Variants in SAMD12 observed in about 807,000 individuals in gnomAD.
SAMD12 encodes sterile alpha motif domain containing 12, also known as sterile alpha motif domain-containing protein 12.
SAMD12 carries 9 observed loss-of-function variants against 15.0 expected under a neutral mutation model. The observed-to-expected ratio is 0.60, with a 90% CI of 0.36 to 1.05. The LOEUF (loss-of-function observed/expected upper bound fraction) is 1.05, where lower values mean the gene tolerates loss of function less well. Among genes scored for constraint, SAMD12 ranks in the 50% least tolerant of loss-of-function variants. The pLI is 0.01. For missense variants in SAMD12, 230 were observed against 234.2 expected (o/e 0.98, Z 0.12); for synonymous variants, 86 against 90.1 (o/e 0.96, Z 0.25).
intron 4 of SAMD12, among the ~76,000 whole-genome samples, chr8:118,227,790 T>A (rs1420752372): frequency 2.6e-5 from 4 of 152,148 alleles, no homozygotes; most frequent in Non-Finnish European, 5.9e-5. Flanking sequence ...GAAAGCGAAG[T>A]GACCCATGAC....
At chr8:118,220,703 G>A (rs907312002) in intron 4 of SAMD12, among the ~76,000 whole-genome samples, 10 of 152,170 alleles carry the variant, frequency 6.6e-5, no homozygotes. Context: ...GGCCAAGCTT[G>A]GAACAGCAAC....
downstream of SAMD12, among the ~76,000 whole-genome samples, chr8:118,374,360 A>G (rs76709869): frequency 8.5e-3 from 1,288 of 152,192 alleles, 40 homozygotes; most frequent in East Asian, 0.05. Context: ...TATATATACC[A>G]TGTTTTCTTT....
intron 3 of SAMD12, among the ~76,000 whole-genome samples, chr8:118,396,632 G>A (rs114774481): frequency 6.6e-6 from 1 of 152,212 alleles, no homozygotes; most frequent in Non-Finnish European, 1.5e-5. Flanking sequence ...AAAGTGAAGA[G>A]ATTTGTCCAA....
chr8:118,567,627 T>C (rs1022145292), intron 2 of SAMD12, among the ~76,000 whole-genome samples: 1 of 152,206 alleles, frequency 6.6e-6, no homozygotes, highest in Admixed American at 6.5e-5. Context: ...AAATCTGCTA[T>C]TGGGATTTGG....
At chr8:118,214,787 G>A (rs1241032572) in intron 4 of SAMD12, among the ~76,000 whole-genome samples, 4 of 152,188 alleles carry the variant, frequency 2.6e-5, no homozygotes, top group Admixed American at 6.5e-5. Context: ...AGGACTTGCT[G>A]GCTGATGACA....
At position 118,596,371 on chromosome 8, in the gene SAMD12, G is replaced by A. The variant is rs546590797; in HGVS notation, c.14-15478C>T. 7.2e-5 allele frequency among the ~76,000 whole-genome samples: 11 copies of A among 152,222 alleles called. No homozygotes were observed. The South Asian group carries it at 2.3e-3, about 31-fold the overall frequency. On this transcript the variant is annotated intron_variant, in intron 1 of 3. Coordinates refer to ENST00000314727, the MANE Select transcript of SAMD12 (RefSeq NM_207506.3). ...TAATTTGTCAACTCACATGCTCCAAGTAGCAGAGGCAGGATCTGAAACATC... is the reference window on the plus strand; with the variant it reads ...TAATTTGTCAACTCACATGCTCCAAATAGCAGAGGCAGGATCTGAAACATC...
intron 4 of SAMD12, among the ~76,000 whole-genome samples, chr8:118,350,360 T>C (rs769620023): frequency 3.9e-5 from 6 of 152,176 alleles, no homozygotes; most frequent in Non-Finnish European, 7.3e-5. Flanking sequence ...CCAGTGTATG[T>C]CAATCCTAAC....
At position 118,390,939 on chromosome 8, in the gene SAMD12, T is replaced by C. The variant is rs116246383; in HGVS notation, c.323-11239A>G. 8.5e-3 allele frequency among the ~76,000 whole-genome samples: 1,287 copies of C among 152,246 alleles called. 19 individuals are homozygous for C. Among genetic ancestry groups the C allele is most frequent in the African/African-American group, 0.029 (1,199 of 41,528 alleles). ...ATATATTCAGGTTAATAGGAGAAAA[T>C]TGGAATAACATTAATTCCCACCTGA... On this transcript the variant is annotated intron_variant, in intron 3 of 3. Coordinates refer to ENST00000314727, the MANE Select transcript of SAMD12 (RefSeq NM_207506.3).
At chr8:118,425,057 G>A (rs1484552125) in intron 3 of SAMD12, among the ~76,000 whole-genome samples, 1 of 151,600 alleles carries the variant, frequency 6.6e-6, no homozygotes, top group Non-Finnish European at 1.5e-5. Flanking sequence ...TCCTGCCTCA[G>A]CCTCCTGAGT....
intron 2 of SAMD12, among the ~76,000 whole-genome samples, chr8:118,514,140 A>G (rs1825163702): frequency 6.6e-6 from 1 of 151,984 alleles, no homozygotes. Flanking sequence ...GAGATCAGCA[A>G]CCCTCCCCAT....
At chr8:118,321,139 TAATA>T (rs1360713469) in intron 4 of SAMD12, among the ~76,000 whole-genome samples, 5 of 90,236 alleles carry the variant, frequency 5.5e-5, no homozygotes, top group East Asian at 4.8e-4. Context: ...ATATCATAGA[TAATA>T]AATATATATA....
At chr8:118,422,232 A>G (rs1822030272) in intron 3 of SAMD12, among the ~76,000 whole-genome samples, 1 of 152,246 alleles carries the variant, frequency 6.6e-6, no homozygotes, top group Non-Finnish European at 1.5e-5. Flanking sequence ...ACACAGCTAG[A>G]GATAGTAAGA....
intron 4 of SAMD12, among the ~76,000 whole-genome samples, chr8:118,270,930 C>G (rs1813340779): frequency 1.3e-5 from 2 of 152,132 alleles, no homozygotes; most frequent in Admixed American, 6.6e-5. Context: ...CAAGGGGTTA[C>G]TGCATCATTT....
chr8:118,161,161 T>C, the SAMD12 span, among the ~76,000 whole-genome samples: 1 of 152,208 alleles, frequency 6.6e-6, no homozygotes. Flanking sequence ...CCATGGTGTA[T>C]ATGTGCCACA....
chr8:118,190,236 T>C (rs1005000284), exon 5 of SAMD12: 1 of 152,176 alleles, frequency 6.6e-6, no homozygotes, highest in Non-Finnish European at 1.5e-5. Flanking sequence ...ACTGCTCTTA[T>C]GTTCAATTCA....
At chr8:118,510,811 G>T (rs79086035) in intron 2 of SAMD12, among the ~76,000 whole-genome samples, 3,578 of 152,278 alleles carry the variant, frequency 0.023, 114 homozygotes, top group African/African-American at 0.076. Flanking sequence ...TTCCTATCAA[G>T]AGCTTGGCTC....
intron 4 of SAMD12, among the ~76,000 whole-genome samples, chr8:118,348,711 C>A (rs1817800776): frequency 6.6e-6 from 1 of 152,160 alleles, no homozygotes; most frequent in Non-Finnish European, 1.5e-5. Context: ...AAGTTATTTC[C>A]AGCTCAAGCT....
At chr8:118,551,184 C>T (rs1039031389) in intron 2 of SAMD12, among the ~76,000 whole-genome samples, 2 of 152,210 alleles carry the variant, frequency 1.3e-5, no homozygotes, top group African/African-American at 4.8e-5. Flanking sequence ...ACCTAATAGA[C>T]ATCTACAGAA....
intron 2 of SAMD12, among the ~76,000 whole-genome samples, chr8:118,533,242 G>T (rs193001800): frequency 0.04 from 6,114 of 152,244 alleles, 197 homozygotes; most frequent in South Asian, 0.13. Context: ...CCATGTAGTT[G>T]AGCGGTTTTG....
Sources: allele counts gnomAD v4.1 joint callset (sites outside exome capture counted in the v4.1 genomes callset), GRCh38; gene constraint gnomAD v4.1.1; transcripts MANE v1.5; gene names NCBI Gene and HGNC (gene_info 2026-07-23, HGNC 2026-07-21).